The following ATP8A1 variants were observed in gnomAD, a reference collection of about 807,000 sequenced individuals.
The protein encoded by ATP8A1 is ATPase phospholipid transporting 8A1, also known as phospholipid-transporting ATPase IA.
Under a neutral mutation model 177.7 loss-of-function variants are expected in ATP8A1, and 90 were observed. The ratio of observed to expected loss-of-function variants is 0.51; its 90% CI spans 0.43 to 0.60. ATP8A1 has a LOEUF of 0.60. Among genes scored for constraint, ATP8A1 ranks in the 20% least tolerant of loss-of-function variants. The pLI is 0.00. For synonymous variants in ATP8A1, 493 were observed against 485.9 expected, an observed-to-expected ratio of 1.01 and a Z score of -0.19; for missense variants, 1,072 against 1,392.8, an observed-to-expected ratio of 0.77 and a Z score of 3.67.
intron 31 of ATP8A1, among the ~76,000 whole-genome samples, chr4:42,445,644 C>G (rs1408752192): frequency 1.3e-5 from 2 of 152,206 alleles, no homozygotes; most frequent in Non-Finnish European, 2.9e-5. Context: ...TGATAAGACA[C>G]TTCCCAGTGG....
chr4:42,594,022 T>A (rs1426225086), intron 6 of ATP8A1, among the ~76,000 whole-genome samples: 1 of 152,052 alleles, frequency 6.6e-6, no homozygotes, highest in East Asian at 1.9e-4. Flanking sequence ...AGAGTTATGA[T>A]CCCCACAAAA....
intron 30 of ATP8A1, among the ~76,000 whole-genome samples, 195 bp from the exon 31 acceptor site, chr4:42,446,839 G>A (rs1374596868): frequency 6.7e-6 from 1 of 149,144 alleles, no homozygotes; most frequent in East Asian, 2.0e-4. Context: ...GGCCACAAAA[G>A]ACAACATTGA....
At position 42,574,616 on chromosome 4, in the gene ATP8A1, C is replaced by T. The variant is rs756652232; in HGVS notation, c.1295+3G>A. The T allele has an allele frequency of 1.2e-5, 19 of 1,605,152 alleles. No homozygotes were observed. In the Admixed American group the frequency reaches 2.2e-4, roughly 19 times the overall value. On this transcript the variant is annotated splice_donor_region_variant and intron_variant, in intron 14 of 36. Coordinates refer to ENST00000381668, the MANE Select transcript of ATP8A1 (RefSeq NM_006095.2). Reference sequence around the variant, plus strand: ...CATATCCTAATTAAAGGAAAAAACTCACCCATAAGCAACTCCCGCTATGGT... The same window carrying T: ...CATATCCTAATTAAAGGAAAAAACTTACCCATAAGCAACTCCCGCTATGGT...
chr4:42,482,091 C>T (rs1443185749), intron 25 of ATP8A1, among the ~76,000 whole-genome samples: 1 of 152,066 alleles, frequency 6.6e-6, no homozygotes, highest in South Asian at 2.1e-4. Context: ...TGCCTGAACT[C>T]AGGAGTTTGA....
At chr4:42,575,822 G>T in intron 12 of ATP8A1, 123 bp from the exon 13 acceptor site, 1 of 790,368 alleles carries the variant, frequency 1.3e-6, no homozygotes, top group Non-Finnish European at 2.1e-6. Context: ...CTATATGTAG[G>T]CACTAATTTC....
At chr4:42,606,411 C>G (rs10007582) in intron 5 of ATP8A1, among the ~76,000 whole-genome samples, 86,579 of 152,066 alleles carry the variant, frequency 0.57, 24,794 homozygotes, top group South Asian at 0.67. Context: ...TTTCCAGTGG[C>G]GTCTTTTCTA....
At chr4:42,641,166 C>G (rs115309888) in intron 1 of ATP8A1, among the ~76,000 whole-genome samples, 2,301 of 151,962 alleles carry the variant, frequency 0.015, 51 homozygotes, top group African/African-American at 0.052. Flanking sequence ...GTACAGATGA[C>G]ATGAAAAAAA....
At position 42,657,105 on chromosome 4, in the gene ATP8A1, T is replaced by C. The variant is rs1196176428; in HGVS notation, c.-232A>G. On this transcript the variant is annotated 5_prime_UTR_variant, in exon 1 of 37. Coordinates refer to ENST00000381668, the MANE Select transcript of ATP8A1 (RefSeq NM_006095.2). The stretch of plus-strand genomic sequence containing the variant: ...GCGCCCGCAGAGCTGGGCGAGCTCT[T>C]GCTGCAGCCGCGGAGGGGCGGCTCG... The C allele has an allele frequency of 2.2e-5, 8 of 361,272 alleles. No homozygotes were observed. In the South Asian group the frequency reaches 6.2e-4, roughly 28 times the overall value. 22.4% of individuals were successfully genotyped at this position (361,272 alleles called of 1,614,324 possible).
chr4:42,462,567 G>A (rs968566874), intron 27 of ATP8A1, among the ~76,000 whole-genome samples: 4 of 152,258 alleles, frequency 2.6e-5, no homozygotes, highest in Non-Finnish European at 5.9e-5. Flanking sequence ...ATGCCTGGAT[G>A]CCCAGGCATA....
chr4:42,606,083 C>T (rs1735768638), intron 5 of ATP8A1, among the ~76,000 whole-genome samples: 1 of 152,220 alleles, frequency 6.6e-6, no homozygotes, highest in Non-Finnish European at 1.5e-5. Context: ...TTCCACTCAA[C>T]ATGCCATAAA....
chr4:42,439,634 G>C (rs142497688), intron 33 of ATP8A1, among the ~76,000 whole-genome samples: 1 of 152,330 alleles, frequency 6.6e-6, no homozygotes, highest in East Asian at 1.9e-4. Flanking sequence ...GGTTACTGTG[G>C]CACTGATGTG....
intron 3 of ATP8A1, 118 bp from the exon 4 acceptor site, chr4:42,624,752 C>T (rs1394031783): frequency 6.2e-6 from 3 of 481,746 alleles, no homozygotes; most frequent in East Asian, 3.3e-5. Flanking sequence ...CTATCTTGGC[C>T]GACTAATGCT....
At chr4:42,455,246 C>T (rs542534972) in intron 29 of ATP8A1, 51 bp downstream of exon 29, 3 of 1,603,492 alleles carry the variant, frequency 1.9e-6, no homozygotes, top group African/African-American at 1.3e-5. Context: ...ATAATGAGGG[C>T]AGTAAACACA....
At position 42,410,522 on chromosome 4, in the gene ATP8A1, T is replaced by G. The variant is rs1712473521; in HGVS notation, c.*2394A>C. The G allele has an allele frequency of 6.6e-6, 1 of 152,198 alleles. No individual in the cohort carries two copies. Among genetic ancestry groups the G allele is most frequent in the African/African-American group, 2.4e-5 (1 of 41,452 alleles). 9.4% of individuals were successfully genotyped at this position (152,198 alleles called of 1,614,324 possible). On this transcript the variant is annotated 3_prime_UTR_variant, in exon 37 of 37. Coordinates refer to ENST00000381668, the MANE Select transcript of ATP8A1 (RefSeq NM_006095.2). ...GACTATTTTCTCTAATTTAACACTGTAAAGTCACTGCAATTGCAATGTTAT... is the reference window on the plus strand; with the variant it reads ...GACTATTTTCTCTAATTTAACACTGGAAAGTCACTGCAATTGCAATGTTAT...
intron 10 of ATP8A1, among the ~76,000 whole-genome samples, chr4:42,581,369 G>A (rs976952797): frequency 6.6e-6 from 1 of 152,170 alleles, no homozygotes; most frequent in East Asian, 1.9e-4. Context: ...TCCTGACCTT[G>A]TGATCCGCCC....
chr4:42,636,156 A>ACACACACGCGCGTGCGCGCGCG (rs565139270), intron 1 of ATP8A1, among the ~76,000 whole-genome samples: 2,240 of 90,906 alleles, frequency 0.025, 38 homozygotes, highest in Middle Eastern at 0.04. Context: ...ACACACACAC[A>ACACACACGCGCGTGCGCGCGCG]CGCACACACA....
intron 30 of ATP8A1, among the ~76,000 whole-genome samples, chr4:42,448,833 T>G (rs1717600256): frequency 5.0e-5 from 1 of 20,168 alleles, no homozygotes; most frequent in South Asian, 2.6e-3. Flanking sequence ...TTTGCGTTTT[T>G]TTTTTTTTTT....
intron 23 of ATP8A1, 76 bp from the exon 24 acceptor site, chr4:42,503,590 C>T (rs1724070615): frequency 4.3e-6 from 4 of 936,414 alleles, no homozygotes; most frequent in Non-Finnish European, 6.4e-6. Context: ...ATGATATGTA[C>T]TATGAAAATA....
intron 19 of ATP8A1, among the ~76,000 whole-genome samples, chr4:42,545,900 G>T (rs1375743709): frequency 6.6e-6 from 1 of 152,142 alleles, no homozygotes; most frequent in Non-Finnish European, 1.5e-5. Flanking sequence ...CTTGAACCTG[G>T]GAGGCGGAGG....
Sources: allele counts gnomAD v4.1 joint callset (sites outside exome capture counted in the v4.1 genomes callset), GRCh38; gene constraint gnomAD v4.1.1; transcripts MANE v1.5; gene names NCBI Gene and HGNC (gene_info 2026-07-23, HGNC 2026-07-21).